PHC3: variants seen among roughly 807,000 people sequenced by gnomAD.
The protein encoded by PHC3 is polyhomeotic-like protein 3.
PHC3 carries 13 observed loss-of-function variants against 107.4 expected under a neutral mutation model. The observed-to-expected ratio is 0.12, with a 90% CI of 0.08 to 0.19. The LOEUF is 0.19. Among genes scored for constraint, PHC3 ranks in the 10% least tolerant of loss-of-function variants. The pLI is 1.00. For synonymous variants in PHC3, 456 were observed against 427.4 expected (o/e 1.07, Z -0.83); for missense variants, 992 against 1,210.9 (o/e 0.82, Z 2.68).
chr3:170,107,785 C>T (rs1716853930), intron 11 of PHC3, among the ~76,000 whole-genome samples: 1 of 151,952 alleles, frequency 6.6e-6, no homozygotes, highest in South Asian at 2.1e-4. Flanking sequence ...CTTCTTCCAC[C>T]CTACATATGT....
chr3:170,178,979 A>G, intron 1 of PHC3, 41 bp from the exon 2 acceptor site: 1 of 1,529,416 alleles, frequency 6.5e-7, no homozygotes, highest in Non-Finnish European at 9.0e-7. Context: ...TAAAAGCATT[A>G]TCTTATGAGC....
At position 170,168,820 on chromosome 3, in the gene PHC3, T is replaced by A. The variant is rs150278709; in HGVS notation, c.414+2553A>T. On this transcript the variant is annotated intron_variant, in intron 4 of 14. Coordinates refer to ENST00000495893, the MANE Select transcript of PHC3 (RefSeq NM_024947.4). ...AATAGTGTAGAATTAGTCATGATTCTAATTAGAGAAAAGAAAAGAATGCAG... is the reference window on the plus strand; with the variant it reads ...AATAGTGTAGAATTAGTCATGATTCAAATTAGAGAAAAGAAAAGAATGCAG... Among the ~76,000 whole-genome samples the A allele has an allele frequency of 3.0e-4, 45 of 151,698 alleles. 1 individual carries two copies. The East Asian group carries it at 8.7e-3, about 29-fold the overall frequency.
chr3:170,129,639 A>G (rs1721922112), intron 7 of PHC3, 87 bp from the exon 8 acceptor site: 1 of 1,243,830 alleles, frequency 8.0e-7, no homozygotes, highest in African/African-American at 1.5e-5. Context: ...GTTCATTATC[A>G]GAAGGTCATA....
intron 2 of PHC3, among the ~76,000 whole-genome samples, chr3:170,177,609 C>T (rs137956593): frequency 0.012 from 1,840 of 151,930 alleles, 40 homozygotes; most frequent in African/African-American, 0.042. Context: ...TCAAGTGATC[C>T]GCCAGCCTTG....
At chr3:170,126,528 A>ATATATAT (rs370421296) in intron 8 of PHC3, among the ~76,000 whole-genome samples, 35 of 90,606 alleles carry the variant, frequency 3.9e-4, no homozygotes, top group East Asian at 6.2e-4. Context: ...ATATATATAT[A>ATATATAT]TTTTTTTTTT....
At chr3:170,125,073 A>G (rs1309838261) in intron 8 of PHC3, among the ~76,000 whole-genome samples, 2 of 152,192 alleles carry the variant, frequency 1.3e-5, no homozygotes, top group Non-Finnish European at 2.9e-5. Context: ...TGAATCAGCT[A>G]CAAAGTAGGC....
rs189832668 is a variant in PHC3 at position 170,163,139 on chromosome 3, G to A, written c.414+8234C>T. 3.0e-3 allele frequency among the ~76,000 whole-genome samples: 449 copies of A among 152,140 alleles called. 1 individual carries two copies. Among genetic ancestry groups the A allele is most frequent in the Middle Eastern group, 6.8e-3 (2 of 294 alleles). ...CTCAGCACCTAGAAGAGGATTTGGC[G>A]AATATTAAACGCTCGATAAATATTT... On this transcript the variant is annotated intron_variant, in intron 4 of 14. Coordinates refer to ENST00000495893, the MANE Select transcript of PHC3 (RefSeq NM_024947.4).
intron 5 of PHC3, chr3:170,148,086 T>C (rs1725294525): frequency 6.6e-6 from 1 of 152,172 alleles, no homozygotes; most frequent in South Asian, 2.1e-4. Flanking sequence ...CAGGCCAAGA[T>C]GGTGAAACCC....
chr3:170,126,050 A>G (rs1721180791), intron 8 of PHC3: 1 of 705,488 alleles, frequency 1.4e-6, no homozygotes, highest in Non-Finnish European at 1.7e-6. Context: ...TCTACCCTCA[A>G]CATACTTATA....
chr3:170,114,371 C>A (rs1718493365), intron 10 of PHC3, among the ~76,000 whole-genome samples: 1 of 152,170 alleles, frequency 6.6e-6, no homozygotes, highest in Admixed American at 6.5e-5. Context: ...TGCTGACATG[C>A]CAGTATCCTC....
intron 9 of PHC3, among the ~76,000 whole-genome samples, chr3:170,120,459 G>A (rs1291734873): frequency 6.6e-6 from 1 of 151,858 alleles, no homozygotes; most frequent in Admixed American, 6.6e-5. Context: ...TGTAATCCCA[G>A]CTACTCAGGA....
At chr3:170,124,860 TA>T (rs1721003147) in intron 8 of PHC3, among the ~76,000 whole-genome samples, 1 of 152,114 alleles carries the variant, frequency 6.6e-6, no homozygotes, top group South Asian at 2.1e-4. Context: ...AAGTTTCACC[TA>T]TAAGGATATA....
chr3:170,172,505 T>C (rs534408707), intron 3 of PHC3, 52 bp downstream of exon 3: 16 of 1,564,920 alleles, frequency 1.0e-5, no homozygotes, highest in Non-Finnish European at 1.3e-5. Flanking sequence ...TTTCAGTAAC[T>C]ACCTACAGAT....
chr3:170,140,201 G>A (rs1231604371), intron 6 of PHC3, among the ~76,000 whole-genome samples: 1 of 147,708 alleles, frequency 6.8e-6, no homozygotes, highest in Non-Finnish European at 1.5e-5. Context: ...GCCTTACTGG[G>A]GAATACTCTT....
chr3:170,153,935 G>C (rs1284241254), intron 4 of PHC3, among the ~76,000 whole-genome samples: 1 of 151,950 alleles, frequency 6.6e-6, no homozygotes, highest in Non-Finnish European at 1.5e-5. Flanking sequence ...TGACTAGATT[G>C]AGCATCCTTG....
chr3:170,155,356 T>C (rs370739215), intron 4 of PHC3, among the ~76,000 whole-genome samples: 6 of 152,314 alleles, frequency 3.9e-5, no homozygotes, highest in African/African-American at 1.4e-4. Flanking sequence ...CAAAACAACA[T>C]GTAGAGTATC....
intron 9 of PHC3, among the ~76,000 whole-genome samples, chr3:170,117,844 C>CAA (rs556845192): frequency 2.4e-4 from 28 of 117,966 alleles, no homozygotes; most frequent in African/African-American, 6.8e-4. Context: ...AAAAAAAAAC[C>CAA]AAAAAAAAAA....
chr3:170,112,776 G>A (rs1046510074), intron 11 of PHC3, among the ~76,000 whole-genome samples: 33 of 152,164 alleles, frequency 2.2e-4, no homozygotes, highest in African/African-American at 5.8e-4. Context: ...TGCCTGCCTC[G>A]GCCTCCCGAA....
chr3:170,149,046 G>A (rs1725474962), intron 5 of PHC3, 40 bp downstream of exon 5: 1 of 1,575,754 alleles, frequency 6.3e-7, no homozygotes, highest in African/African-American at 1.3e-5. Flanking sequence ...GATCTCTCAA[G>A]TCCTTAAACA....
Sources: allele counts gnomAD v4.1 joint callset (sites outside exome capture counted in the v4.1 genomes callset), GRCh38; gene constraint gnomAD v4.1.1; transcripts MANE v1.5; gene names NCBI Gene and HGNC (gene_info 2026-07-23, HGNC 2026-07-21).